GNB4: variants seen among roughly 807,000 people sequenced by gnomAD.
The protein encoded by GNB4 is guanine nucleotide-binding protein subunit beta-4.
GNB4 carries 28 observed loss-of-function variants against 45.2 expected under a neutral mutation model. That is an observed-to-expected ratio of 0.62 (90% CI 0.46 to 0.85). The LOEUF is 0.85. Among genes scored for constraint, GNB4 ranks in the 40% least tolerant of loss-of-function variants. The probability of loss-of-function intolerance (pLI) is 0.00; values close to 1 mark genes in which losing one functional copy is unlikely to be tolerated. For synonymous variants in GNB4, 132 were observed against 143.7 expected (o/e 0.92, Z 0.58); for missense variants, 321 against 425.4 (o/e 0.75, Z 2.16).
the GNB4 span, among the ~76,000 whole-genome samples, chr3:179,459,771 G>A: frequency 7.9e-5 from 12 of 151,828 alleles, no homozygotes; most frequent in African/African-American, 2.4e-4. Flanking sequence ...GTTTCATTAC[G>A]AATATTTTAT....
At chr3:179,430,203 A>G (rs1235301206) in intron 1 of GNB4, among the ~76,000 whole-genome samples, 1 of 151,948 alleles carries the variant, frequency 6.6e-6, no homozygotes, top group Admixed American at 6.6e-5. Flanking sequence ...CTCCAGCCTC[A>G]GCCTCCCAAG....
chr3:179,487,484 T>G, the GNB4 span, among the ~76,000 whole-genome samples: 1 of 152,150 alleles, frequency 6.6e-6, no homozygotes, highest in Non-Finnish European at 1.5e-5. Flanking sequence ...CATGACAGCA[T>G]GGCAGGTCAG....
the GNB4 span, among the ~76,000 whole-genome samples, chr3:179,484,391 G>A: frequency 6.6e-6 from 1 of 152,148 alleles, no homozygotes; most frequent in Admixed American, 6.5e-5. Context: ...CTGTGAATTT[G>A]CTTATTCACT....
chr3:179,404,543 G>T (rs1018541817), intron 9 of GNB4, among the ~76,000 whole-genome samples: 17 of 152,104 alleles, frequency 1.1e-4, no homozygotes, highest in Non-Finnish European at 2.5e-4. Flanking sequence ...CAAAGGGGGC[G>T]GGGAGAGAGG....
At chr3:179,473,894 G>T in the GNB4 span, among the ~76,000 whole-genome samples, 2 of 152,230 alleles carry the variant, frequency 1.3e-5, no homozygotes, top group South Asian at 2.1e-4. Context: ...GGCAATTACT[G>T]TCTTTGGCTT....
chr3:179,488,436 A>G, the GNB4 span, among the ~76,000 whole-genome samples: 1 of 152,184 alleles, frequency 6.6e-6, no homozygotes, highest in Admixed American at 6.5e-5. Flanking sequence ...CTCTTTCAGC[A>G]TAAGTTCCTA....
chr3:179,517,333 C>T, the GNB4 span, among the ~76,000 whole-genome samples: 1 of 152,018 alleles, frequency 6.6e-6, no homozygotes, highest in Non-Finnish European at 1.5e-5. Flanking sequence ...TTTTCCTTTA[C>T]CTACCCAAAT....
At chr3:179,440,347 G>C (rs965302685) in intron 1 of GNB4, among the ~76,000 whole-genome samples, 1 of 151,952 alleles carries the variant, frequency 6.6e-6, no homozygotes, top group Non-Finnish European at 1.5e-5. Flanking sequence ...CATGCTACCT[G>C]AAAAAAGAGA....
chr3:179,482,331 T>C, the GNB4 span, among the ~76,000 whole-genome samples: 1 of 152,200 alleles, frequency 6.6e-6, no homozygotes, highest in African/African-American at 2.4e-5. Context: ...TCAGCGAAGA[T>C]TAGAAGACTA....
At chr3:179,456,755 A>G in the GNB4 span, among the ~76,000 whole-genome samples, 2 of 152,196 alleles carry the variant, frequency 1.3e-5, no homozygotes, top group East Asian at 3.9e-4. Flanking sequence ...CTTGGCAATC[A>G]TTGATTTGTC....
the GNB4 span, among the ~76,000 whole-genome samples, chr3:179,514,941 C>G: frequency 6.6e-6 from 1 of 152,202 alleles, no homozygotes; most frequent in Non-Finnish European, 1.5e-5. Context: ...ATGGCCACAT[C>G]TTAAAATGAT....
intron 1 of GNB4, among the ~76,000 whole-genome samples, chr3:179,438,238 C>T (rs563536043): frequency 1.3e-5 from 2 of 152,312 alleles, no homozygotes; most frequent in African/African-American, 2.4e-5. Context: ...AAGGTAGGTA[C>T]CAGTATCATT....
intron 6 of GNB4, 93 bp from the exon 7 acceptor site, chr3:179,413,874 T>TA: frequency 1.1e-6 from 1 of 886,988 alleles, no homozygotes; most frequent in Non-Finnish European, 1.8e-6. Context: ...AAAAATAGAA[T>TA]ACTTGGGCAA....
At chr3:179,519,681 CG>C in the GNB4 span, among the ~76,000 whole-genome samples, 1 of 152,126 alleles carries the variant, frequency 6.6e-6, no homozygotes, top group Non-Finnish European at 1.5e-5. Flanking sequence ...AGCCACACCT[CG>C]TTGCTGCCTT....
the GNB4 span, among the ~76,000 whole-genome samples, chr3:179,492,531 C>T: frequency 6.6e-6 from 1 of 152,114 alleles, no homozygotes; most frequent in East Asian, 1.9e-4. Context: ...GTGTCACATA[C>T]CCTGGAGCCC....
chr3:179,526,210 CA>C, the GNB4 span, among the ~76,000 whole-genome samples: 1 of 152,160 alleles, frequency 6.6e-6, no homozygotes, highest in Non-Finnish European at 1.5e-5. Flanking sequence ...AGGAATTTCA[CA>C]AGGTAATGTC....
At chr3:179,519,492 C>T in the GNB4 span, among the ~76,000 whole-genome samples, 1 of 152,142 alleles carries the variant, frequency 6.6e-6, no homozygotes. Flanking sequence ...TCCCTTGCCT[C>T]CATAACTGTT....
At chr3:179,494,907 C>CAAA in the GNB4 span, among the ~76,000 whole-genome samples, 16 of 33,948 alleles carry the variant, frequency 4.7e-4, no homozygotes, top group East Asian at 8.1e-4. Context: ...GACTCTGTCT[C>CAAA]AAAAAAAAAA....
chr3:179,419,263 T>G lies in GNB4; in HGVS notation c.203+136A>C. 6.0e-6 allele frequency: 4 copies of G among 671,764 alleles called. No homozygotes were observed. The South Asian group carries it at 6.7e-5, about 11-fold the overall frequency. The allele number at this position is 671,764 out of a possible 1,614,324, so 41.6% of individuals were successfully genotyped here. A position where few individuals can be genotyped will look rare whatever the true frequency, so the allele number is the denominator to read the frequency against. On this transcript the variant is annotated intron_variant, in intron 4 of 9. Coordinates refer to ENST00000232564, the MANE Select transcript of GNB4 (RefSeq NM_021629.4). ...ATTAATATTCTTATTGAAAGCAGCATGTTCATCTGAGATGCATTTTCTGCA... is the reference window on the plus strand; with the variant it reads ...ATTAATATTCTTATTGAAAGCAGCAGGTTCATCTGAGATGCATTTTCTGCA...
Sources: gnomAD v4.1 joint callset for allele counts (sites outside exome capture counted in the v4.1 genomes callset) on GRCh38, gnomAD v4.1.1 for gene constraint, MANE v1.5 for transcripts, NCBI Gene and HGNC (gene_info 2026-07-23, HGNC 2026-07-21) for gene names.